COL24A1: variants seen among roughly 807,000 people sequenced by gnomAD.
COL24A1 encodes collagen type XXIV alpha 1 chain.
In COL24A1, 224 loss-of-function variants were observed where a neutral mutation model predicts 253.9. That is an observed-to-expected ratio of 0.88 (90% CI 0.79 to 0.99). The LOEUF is 0.99. COL24A1 is among the 50% of genes least tolerant of loss of function. The pLI, the probability that COL24A1 is intolerant of heterozygous loss-of-function variation, is 0.00. For synonymous variants in COL24A1, 685 were observed against 673.7 expected (o/e 1.02, Z -0.26); for missense variants, 2,131 against 2,068.5 (o/e 1.03, Z -0.59).
intron 14 of COL24A1, among the ~76,000 whole-genome samples, chr1:86,031,186 G>T (rs542730570): frequency 2.6e-5 from 4 of 152,098 alleles, no homozygotes; most frequent in African/African-American, 9.7e-5. Flanking sequence ...AGTGATATAA[G>T]CCAGGCACAG....
chr1:86,056,578 G>A (rs542609553), intron 10 of COL24A1, among the ~76,000 whole-genome samples: 5 of 152,128 alleles, frequency 3.3e-5, no homozygotes, highest in African/African-American at 9.6e-5. Context: ...ATGTTAGGCC[G>A]GGCCTGGTGG....
chr1:86,009,139 G>T (rs1196082396), intron 19 of COL24A1, among the ~76,000 whole-genome samples: 3 of 152,120 alleles, frequency 2.0e-5, no homozygotes, highest in African/African-American at 7.2e-5. Flanking sequence ...GGAAAAACAA[G>T]AATGCAAATG....
At chr1:85,997,106 T>C (rs1288383080) in intron 19 of COL24A1, among the ~76,000 whole-genome samples, 1 of 145,306 alleles carries the variant, frequency 6.9e-6, no homozygotes, top group East Asian at 2.0e-4. Context: ...TGTATACAGG[T>C]ACTTAGGCCT....
intron 19 of COL24A1, 54 bp downstream of exon 19, chr1:86,017,097 G>A (rs371966076): frequency 1.3e-5 from 19 of 1,473,592 alleles, no homozygotes; most frequent in African/African-American, 8.5e-5. Context: ...TATCAAACAA[G>A]TTTAATTTCC....
At chr1:85,955,599 AG>A (rs1429554453) in intron 24 of COL24A1, among the ~76,000 whole-genome samples, 2 of 152,196 alleles carry the variant, frequency 1.3e-5, no homozygotes, top group African/African-American at 4.8e-5. Flanking sequence ...TGCTTCCCCT[AG>A]GGGTTTGACA....
At chr1:85,934,688 G>A (rs1688102209) in intron 24 of COL24A1, among the ~76,000 whole-genome samples, 1 of 152,082 alleles carries the variant, frequency 6.6e-6, no homozygotes, top group Non-Finnish European at 1.5e-5. Flanking sequence ...CTGATGGCTG[G>A]CTGCCTGTTT....
In COL24A1 at chr1:85,917,157, T is replaced by C. The variant is rs12093605; in HGVS notation, c.2563-5724A>G. ...GATAAACATTTTAGGAATATAATGT[T>C]GACTGAGAAAACAGCATAAATCCTT... On this transcript the variant is annotated intron_variant, in intron 24 of 59. Coordinates refer to ENST00000370571, the MANE Select transcript of COL24A1 (RefSeq NM_152890.7). Among the ~76,000 whole-genome samples, 182 of 152,334 alleles carry C rather than the reference T, an allele frequency of 1.2e-3. 1 individual carries two copies. Among genetic ancestry groups the C allele is most frequent in the African/African-American group, 4.2e-3 (173 of 41,580 alleles).
chr1:86,116,130 T>C (rs905793349), intron 3 of COL24A1, among the ~76,000 whole-genome samples: 1 of 151,804 alleles, frequency 6.6e-6, no homozygotes, highest in East Asian at 1.9e-4. Context: ...ATTTGTGATA[T>C]GGTTGAACAC....
At chr1:85,765,473 G>A (rs987815471) in intron 53 of COL24A1, among the ~76,000 whole-genome samples, 7 of 151,228 alleles carry the variant, frequency 4.6e-5, no homozygotes, top group Non-Finnish European at 7.4e-5. Flanking sequence ...GGGAGGCAGA[G>A]GCCAGAAGAA....
chr1:86,106,297 A>C (rs535500467), intron 5 of COL24A1, among the ~76,000 whole-genome samples: 31 of 152,028 alleles, frequency 2.0e-4, no homozygotes, highest in African/African-American at 7.5e-4. Flanking sequence ...GGTGTTCAAT[A>C]CTTTATATAT....
At chr1:85,837,040 C>G (rs990195660) in intron 43 of COL24A1, among the ~76,000 whole-genome samples, 1 of 152,084 alleles carries the variant, frequency 6.6e-6, no homozygotes, top group Non-Finnish European at 1.5e-5. Context: ...CTGGTTTTCC[C>G]GAGACTGTGT....
intron 55 of COL24A1, among the ~76,000 whole-genome samples, chr1:85,756,128 C>T (rs1324921272): frequency 6.8e-6 from 1 of 146,802 alleles, no homozygotes; most frequent in African/African-American, 2.5e-5. Context: ...AGACATTTCT[C>T]TAAAGAAGAG....
At chr1:85,839,961 TG>T (rs1205047554) in intron 42 of COL24A1, among the ~76,000 whole-genome samples, 1 of 152,142 alleles carries the variant, frequency 6.6e-6, no homozygotes, top group Admixed American at 6.6e-5. Flanking sequence ...TGAAATTAGT[TG>T]GAAAAGCATA....
intron 2 of COL24A1, among the ~76,000 whole-genome samples, chr1:86,143,858 A>G (rs1381766390): frequency 6.6e-6 from 1 of 152,098 alleles, no homozygotes; most frequent in Non-Finnish European, 1.5e-5. Flanking sequence ...TTTATTTCTG[A>G]TAAGTCTAAC....
intron 24 of COL24A1, among the ~76,000 whole-genome samples, chr1:85,956,415 C>T (rs1158798606): frequency 1.3e-5 from 2 of 152,202 alleles, no homozygotes; most frequent in Non-Finnish European, 2.9e-5. Context: ...ATGCCTTTCT[C>T]TTCTTCCTCT....
intron 32 of COL24A1, among the ~76,000 whole-genome samples, chr1:85,881,469 A>C (rs971594845): frequency 5.3e-5 from 8 of 151,832 alleles, no homozygotes; most frequent in Non-Finnish European, 1.0e-4. Context: ...ATACAAAAAA[A>C]AAAAAATTAG....
chr1:85,848,573 G>C lies in COL24A1; in HGVS notation c.3354+780C>G, dbSNP rs545620750. Among the ~76,000 whole-genome samples the C allele has an allele frequency of 4.6e-5, 7 of 152,250 alleles. No homozygotes were observed. In the East Asian group the frequency reaches 1.2e-3, roughly 25 times the overall value. On this transcript the variant is annotated intron_variant, in intron 38 of 59. Coordinates refer to ENST00000370571, the MANE Select transcript of COL24A1 (RefSeq NM_152890.7). ...GATCCGCCCACCTCGGCCTCCCAAA[G>C]TGCTGGGATTACAGGTGTGAGCCAC...
intron 19 of COL24A1, among the ~76,000 whole-genome samples, chr1:86,008,849 T>C (rs1696223825): frequency 6.6e-6 from 1 of 151,904 alleles, no homozygotes; most frequent in South Asian, 2.1e-4. Flanking sequence ...TAAACAAAAA[T>C]CTATTAGAGA....
At chr1:85,798,331 C>T (rs937239830) in intron 47 of COL24A1, among the ~76,000 whole-genome samples, 4 of 151,826 alleles carry the variant, frequency 2.6e-5, no homozygotes, top group Non-Finnish European at 2.9e-5. Flanking sequence ...CTTTGTTGCT[C>T]TGGAAGAGTT....
Sources: gnomAD v4.1 joint callset for allele counts (sites outside exome capture counted in the v4.1 genomes callset) on GRCh38, gnomAD v4.1.1 for gene constraint, MANE v1.5 for transcripts, NCBI Gene and HGNC (gene_info 2026-07-23, HGNC 2026-07-21) for gene names.